PLXDC2: variants seen among roughly 807,000 people sequenced by gnomAD.
PLXDC2 encodes plexin domain containing 2.
Under a neutral mutation model 68.9 loss-of-function variants are expected in PLXDC2, and 40 were observed. The ratio of observed to expected loss-of-function variants is 0.58; its 90% CI spans 0.45 to 0.76. The LOEUF is 0.76. PLXDC2 is among the 30% of genes least tolerant of loss of function. The pLI, the probability that PLXDC2 is intolerant of heterozygous loss-of-function variation, is 0.00. For synonymous variants in PLXDC2, 243 were observed against 234.2 expected (o/e 1.04, Z -0.34); for missense variants, 644 against 661.9 (o/e 0.97, Z 0.30).
At chr10:20,275,196 A>G (rs556026336) in intron 13 of PLXDC2, among the ~76,000 whole-genome samples, 1 of 149,832 alleles carries the variant, frequency 6.7e-6, no homozygotes, top group South Asian at 2.1e-4. Flanking sequence ...CTGAGGTTCA[A>G]TATTTTTTTT....
chr10:19,938,303 T>C (rs1208054084), intron 1 of PLXDC2, among the ~76,000 whole-genome samples: 1 of 152,190 alleles, frequency 6.6e-6, no homozygotes, highest in Non-Finnish European at 1.5e-5. Flanking sequence ...GGAAAGGTAG[T>C]GTATTAGGCC....
intron 1 of PLXDC2, among the ~76,000 whole-genome samples, chr10:19,902,580 G>T (rs1236920531): frequency 6.6e-6 from 1 of 152,112 alleles, no homozygotes; most frequent in Non-Finnish European, 1.5e-5. Context: ...GAGCTTTTTG[G>T]AAGAGCTTTT....
chr10:20,061,364 G>A (rs1836099821), intron 3 of PLXDC2, among the ~76,000 whole-genome samples: 1 of 152,094 alleles, frequency 6.6e-6, no homozygotes, highest in African/African-American at 2.4e-5. Flanking sequence ...CTGATTTTGA[G>A]TGTCTACTCT....
At chr10:20,076,665 T>C (rs1171413602) in intron 4 of PLXDC2, among the ~76,000 whole-genome samples, 1 of 152,196 alleles carries the variant, frequency 6.6e-6, no homozygotes, top group Non-Finnish European at 1.5e-5. Context: ...ATTAGATTTC[T>C]CTCCATAAAG....
At chr10:19,897,812 A>C (rs1838086278) in intron 1 of PLXDC2, among the ~76,000 whole-genome samples, 1 of 152,134 alleles carries the variant, frequency 6.6e-6, no homozygotes, top group Admixed American at 6.5e-5. Flanking sequence ...CTAATTTGAG[A>C]ATATGTGGGA....
At chr10:20,243,187 G>A (rs944111099) in intron 12 of PLXDC2, among the ~76,000 whole-genome samples, 1 of 152,182 alleles carries the variant, frequency 6.6e-6, no homozygotes, top group East Asian at 1.9e-4. Flanking sequence ...ATTCAGACTT[G>A]GAGGCCAGAC....
chr10:20,068,275 T>A, intron 4 of PLXDC2, 36 bp downstream of exon 4: 1 of 1,519,516 alleles, frequency 6.6e-7, no homozygotes, highest in Non-Finnish European at 9.1e-7. Flanking sequence ...TTAAGTAATC[T>A]ATGGTTTGAC....
At chr10:19,918,202 G>A (rs1484161519) in intron 1 of PLXDC2, among the ~76,000 whole-genome samples, 3 of 152,268 alleles carry the variant, frequency 2.0e-5, no homozygotes, top group African/African-American at 4.8e-5. Flanking sequence ...ATTTCATCTA[G>A]TCCTCCACTG....
At chr10:20,038,809 A>G (rs916273940) in intron 2 of PLXDC2, among the ~76,000 whole-genome samples, 1 of 152,116 alleles carries the variant, frequency 6.6e-6, no homozygotes, top group Non-Finnish European at 1.5e-5. Flanking sequence ...CTCACTCCCT[A>G]TAGGTCACCT....
intron 1 of PLXDC2, among the ~76,000 whole-genome samples, chr10:19,834,181 CA>C (rs1836745714): frequency 6.6e-6 from 1 of 152,146 alleles, no homozygotes; most frequent in Non-Finnish European, 1.5e-5. Context: ...GAGGAATGGT[CA>C]TCCATATCTT....
chr10:19,821,274 G>A (rs1387138604), intron 1 of PLXDC2, among the ~76,000 whole-genome samples: 2 of 152,128 alleles, frequency 1.3e-5, no homozygotes, highest in African/African-American at 4.8e-5. Flanking sequence ...AGTTCCCTGA[G>A]TGTGTACCAT....
At chr10:19,954,098 C>T (rs1475190982) in intron 1 of PLXDC2, among the ~76,000 whole-genome samples, 2 of 151,866 alleles carry the variant, frequency 1.3e-5, no homozygotes, top group Non-Finnish European at 2.9e-5. Context: ...CTGGAATAGG[C>T]AGAGATTATG....
In PLXDC2 at chr10:20,285,882, C is replaced by G. The variant is rs189698026; in HGVS notation, c.*6063C>G. The G allele has an allele frequency of 3.9e-5, 6 of 152,216 alleles. No homozygotes were observed. The South Asian group carries it at 8.3e-4, about 21-fold the overall frequency. The allele number at this position is 152,216 out of a possible 1,614,324, so 9.4% of individuals were successfully genotyped here. A position where few individuals can be genotyped will look rare whatever the true frequency, so the allele number is the denominator to read the frequency against. ...ATGTGTCTATAATTTCCTGTTCTAC[C>G]ATTGTCATATCATAACATGGTATTA... On this transcript the variant is annotated 3_prime_UTR_variant, in exon 14 of 14. Transcript: ENST00000377252.
In PLXDC2 at chr10:20,283,056, C is replaced by A. The variant is rs747860137; in HGVS notation, c.*3237C>A. 6.6e-6 allele frequency: 1 copy of A among 152,154 alleles called. No homozygotes were observed. The highest frequency in any genetic ancestry group is 2.1e-4 in the South Asian group (1 of 4,828). 9.4% of individuals were successfully genotyped at this position (152,154 alleles called of 1,614,324 possible). ...CATATTGGATAACAAGAAACACTTC[C>A]GTGGTTGAAGAAAATTTTAATGGAC... is the stretch of plus-strand genomic sequence containing the variant. On this transcript the variant is annotated 3_prime_UTR_variant, in exon 14 of 14. Coordinates refer to ENST00000377252, the MANE Select transcript of PLXDC2 (RefSeq NM_032812.9).
At chr10:20,088,061 T>C (rs1243114462) in intron 4 of PLXDC2, among the ~76,000 whole-genome samples, 1 of 152,166 alleles carries the variant, frequency 6.6e-6, no homozygotes, top group Non-Finnish European at 1.5e-5. Context: ...TCTTTTTTTT[T>C]CCTAAAATCA....
At chr10:19,982,391 C>T (rs919147549) in intron 1 of PLXDC2, among the ~76,000 whole-genome samples, 1 of 152,152 alleles carries the variant, frequency 6.6e-6, no homozygotes, top group African/African-American at 2.4e-5. Flanking sequence ...CCGTCAAACA[C>T]CTTCACAGTC....
rs55848042 is a variant in PLXDC2 at position 20,072,493 on chromosome 10, G to GAGAAAGAAAGAAAGAAAGAAAGAAAGAA, written c.541+4288_541+4315dup. 2.6e-3 allele frequency among the ~76,000 whole-genome samples: 212 copies of GAGAAAGAAAGAAAGAAAGAAAGAAAGAA among 80,770 alleles called. 5 individuals carry two copies. The highest frequency in any genetic ancestry group is 5.5e-3 in the Middle Eastern group (1 of 182). The allele number at this position is 80,770 out of a possible 152,430, so 53.0% of individuals were successfully genotyped here. ...AAGAAAGAAGGAACAAAGAAAGAAAGAGAAAGAAAGAAAGAAAGAAAGAAA... is the reference window on the plus strand; with the variant it reads ...AAGAAAGAAGGAACAAAGAAAGAAAGAGAAAGAAAGAAAGAAAGAAAGAAAGAAAGAAAGAAAGAAAGAAAGAAAGAAA... On this transcript the variant is annotated intron_variant, in intron 4 of 13. Coordinates refer to ENST00000377252, the MANE Select transcript of PLXDC2 (RefSeq NM_032812.9).
At chr10:19,828,661 A>G (rs537263647) in intron 1 of PLXDC2, among the ~76,000 whole-genome samples, 2 of 152,354 alleles carry the variant, frequency 1.3e-5, no homozygotes, top group South Asian at 2.1e-4. Flanking sequence ...TTGTCTGGAC[A>G]TTGCAAAACA....
chr10:19,957,668 G>A (rs535061421), intron 1 of PLXDC2, among the ~76,000 whole-genome samples: 1 of 152,190 alleles, frequency 6.6e-6, no homozygotes, highest in South Asian at 2.1e-4. Context: ...ATAACACTGC[G>A]ATGAAGTGAC....
Sources: gnomAD v4.1 joint callset for allele counts (sites outside exome capture counted in the v4.1 genomes callset) on GRCh38, gnomAD v4.1.1 for gene constraint, MANE v1.5 for transcripts, NCBI Gene and HGNC (gene_info 2026-07-23, HGNC 2026-07-21) for gene names.